The following KCNN2 variants were observed in gnomAD, a reference collection of about 807,000 sequenced individuals.
KCNN2 encodes potassium calcium-activated channel subfamily N member 2.
KCNN2 carries 24 observed loss-of-function variants against 55.5 expected under a neutral mutation model. The observed-to-expected ratio is 0.43, with a 90% CI of 0.31 to 0.61. The LOEUF (loss-of-function observed/expected upper bound fraction) is 0.61, where lower values mean the gene tolerates loss of function less well. Among genes scored for constraint, KCNN2 ranks in the 20% least tolerant of loss-of-function variants. The probability of loss-of-function intolerance (pLI) is 0.08; values close to 1 mark genes in which losing one functional copy is unlikely to be tolerated. For missense variants in KCNN2, 754 were observed against 853.6 expected, an observed-to-expected ratio of 0.88 and a Z score of 1.45; for synonymous variants, 431 against 336.1, an observed-to-expected ratio of 1.28 and a Z score of -3.09.
intron 1 of KCNN2, among the ~76,000 whole-genome samples, chr5:114,198,624 G>A (rs12516108): frequency 0.11 from 16,634 of 151,912 alleles, 1,161 homozygotes; most frequent in South Asian, 0.23. Context: ...TACATACCCA[G>A]TAGTTGGAAT....
intron 1 of KCNN2, among the ~76,000 whole-genome samples, chr5:114,131,903 T>G (rs1752079327): frequency 6.6e-6 from 1 of 152,188 alleles, no homozygotes. Flanking sequence ...TTTTTCCTAT[T>G]CTTGTTGGCC....
chr5:114,138,996 A>G (rs1274100709), intron 1 of KCNN2, among the ~76,000 whole-genome samples: 1 of 152,176 alleles, frequency 6.6e-6, no homozygotes, highest in Non-Finnish European at 1.5e-5. Flanking sequence ...TATACCTTTT[A>G]TAGTTTCTAC....
At chr5:114,494,725 A>G (rs924981628) in intron 7 of KCNN2, among the ~76,000 whole-genome samples, 3 of 152,120 alleles carry the variant, frequency 2.0e-5, no homozygotes, top group Admixed American at 2.0e-4. Context: ...GACTGTACAT[A>G]CCATAAAGGC....
At chr5:114,112,614 A>T (rs539140995) in intron 1 of KCNN2, among the ~76,000 whole-genome samples, 1 of 152,200 alleles carries the variant, frequency 6.6e-6, no homozygotes, top group Non-Finnish European at 1.5e-5. Context: ...TTCTCTAGTA[A>T]GTATATAAAC....
intron 2 of KCNN2, among the ~76,000 whole-genome samples, chr5:114,236,892 G>C (rs150411598): frequency 4.5e-4 from 68 of 152,072 alleles, no homozygotes; most frequent in African/African-American, 1.6e-3. Context: ...ATTTTTCATA[G>C]TACTTAGCTA....
intron 6 of KCNN2, among the ~76,000 whole-genome samples, chr5:114,492,411 T>G (rs952765917): frequency 6.6e-6 from 1 of 152,172 alleles, no homozygotes; most frequent in East Asian, 1.9e-4. Context: ...TTTGTTTGTT[T>G]TCATTAAATA....
intron 1 of KCNN2, among the ~76,000 whole-genome samples, chr5:114,164,399 GC>G (rs1752862900): frequency 1.3e-5 from 2 of 152,166 alleles, no homozygotes; most frequent in South Asian, 4.1e-4. Context: ...AAAGTGAAGT[GC>G]TGTAGTCATT....
chr5:114,109,282 G>T (rs79186240), intron 1 of KCNN2, among the ~76,000 whole-genome samples: 2,762 of 152,170 alleles, frequency 0.018, 35 homozygotes, highest in Non-Finnish European at 0.025. Flanking sequence ...CTTCACCAAA[G>T]CCAGCAATGA....
chr5:114,187,654 C>T (rs1189314274), intron 1 of KCNN2, among the ~76,000 whole-genome samples: 1 of 150,732 alleles, frequency 6.6e-6, no homozygotes, highest in Non-Finnish European at 1.5e-5. Context: ...TACAGGCACC[C>T]ACCACTGCAC....
intron 2 of KCNN2, among the ~76,000 whole-genome samples, chr5:114,288,747 A>G (rs915923883): frequency 1.3e-5 from 2 of 152,120 alleles, no homozygotes; most frequent in African/African-American, 2.4e-5. Flanking sequence ...AAGTATCTTT[A>G]TATTCTAGAG....
At chr5:114,219,734 G>A (rs908455003) in intron 1 of KCNN2, among the ~76,000 whole-genome samples, 16 of 152,046 alleles carry the variant, frequency 1.1e-4, no homozygotes, top group Non-Finnish European at 4.4e-5. Flanking sequence ...TGAGGGTGGG[G>A]TTTTGCCAGG....
chr5:114,442,069 C>T (rs1023787875), intron 3 of KCNN2, among the ~76,000 whole-genome samples: 1 of 151,960 alleles, frequency 6.6e-6, no homozygotes, highest in South Asian at 2.1e-4. Context: ...AGAAAAAAGC[C>T]ACTGGAGTGA....
intron 1 of KCNN2, among the ~76,000 whole-genome samples, chr5:114,093,233 A>G (rs745627846): frequency 2.6e-5 from 4 of 152,198 alleles, no homozygotes; most frequent in African/African-American, 4.8e-5. Context: ...ACTAAAGCAT[A>G]GCAAGAGTGA....
intron 1 of KCNN2, among the ~76,000 whole-genome samples, chr5:114,219,458 G>A (rs1377979900): frequency 2.0e-5 from 3 of 152,092 alleles, no homozygotes; most frequent in South Asian, 2.1e-4. Context: ...AAAAGGGTAC[G>A]GGGTGGGTAG....
intron 1 of KCNN2, among the ~76,000 whole-genome samples, chr5:114,135,675 A>G (rs1289464250): frequency 6.6e-6 from 1 of 152,238 alleles, no homozygotes; most frequent in African/African-American, 2.4e-5. Context: ...GATAGGCAAT[A>G]GTTAACAGAC....
intron 1 of KCNN2, among the ~76,000 whole-genome samples, chr5:114,204,225 C>T (rs1253039225): frequency 6.6e-6 from 1 of 152,088 alleles, no homozygotes. Context: ...ATATGCATGT[C>T]ACCTTCAAGG....
intron 3 of KCNN2, among the ~76,000 whole-genome samples, chr5:114,450,531 G>T (rs1309596321): frequency 2.6e-5 from 4 of 152,312 alleles, no homozygotes; most frequent in South Asian, 4.1e-4. Context: ...GATATTTTTT[G>T]ATTTCCCAGA....
chr5:114,247,953 G>A (rs569616821), intron 2 of KCNN2, among the ~76,000 whole-genome samples: 12 of 151,944 alleles, frequency 7.9e-5, no homozygotes, highest in African/African-American at 2.7e-4. Context: ...TTGTTTTTGT[G>A]TTTTCCACCT....
chr5:114,200,407 G>A (rs779709329), intron 1 of KCNN2, among the ~76,000 whole-genome samples: 18 of 149,840 alleles, frequency 1.2e-4, no homozygotes, highest in South Asian at 1.1e-3. Context: ...TTTCTCATTC[G>A]CATCCTGGAT....
Sources: allele counts gnomAD v4.1 joint callset (sites outside exome capture counted in the v4.1 genomes callset), GRCh38; gene constraint gnomAD v4.1.1; transcripts MANE v1.5; gene names NCBI Gene and HGNC (gene_info 2026-07-23, HGNC 2026-07-21).